Variants in PCDHGA1 observed in about 807,000 individuals in gnomAD.
PCDHGA1 encodes protocadherin gamma subfamily A, 1.
In PCDHGA1, 32 loss-of-function variants were observed where a neutral mutation model predicts 58.0. The observed-to-expected ratio is 0.55, with a 90% CI of 0.42 to 0.74. The LOEUF (loss-of-function observed/expected upper bound fraction) is 0.74, where lower values mean the gene tolerates loss of function less well. Among genes scored for constraint, PCDHGA1 ranks in the 30% least tolerant of loss-of-function variants. The pLI, the probability that PCDHGA1 is intolerant of heterozygous loss-of-function variation, is 0.00. For missense variants in PCDHGA1, 1,205 were observed against 1,182.3 expected (o/e 1.02, Z -0.28); for synonymous variants, 498 against 501.1 (o/e 0.99, Z 0.08).
rs754836894 is a variant in PCDHGA1, at chr5:141,432,969, C to A, written c.2422-61838C>A. 6.2e-7 allele frequency: 1 copy of A among 1,614,148 alleles called. No individual in the cohort carries two copies. Among genetic ancestry groups the A allele is most frequent in the East Asian group, 2.2e-5 (1 of 44,852 alleles). ...GGAGGCGGCTTGACAGGAGCGCCGG[C>A]GTCGCACTTTGTGGGCGTGGACGGG... is the stretch of plus-strand genomic sequence containing the variant. On this transcript the variant is annotated intron_variant, in intron 1 of 3. Coordinates refer to ENST00000517417, the MANE Select transcript of PCDHGA1 (RefSeq NM_018912.3). This position sits in a 1 kb window ranked among gnomAD's most constrained non-coding sequence, Gnocchi z 6.0.
intron 1 of PCDHGA1, chr5:141,423,756 GGGGGT>G: frequency 1.1e-5 from 5 of 448,566 alleles, no homozygotes; most frequent in African/African-American, 2.8e-5. Context: ...TGTTTGGGGG[GGGGGT>G]GGGGCGGCAT....
intron 1 of PCDHGA1, chr5:141,375,470 GAAAACA>G (rs1452346510): frequency 6.2e-7 from 1 of 1,613,784 alleles, no homozygotes; most frequent in Admixed American, 1.7e-5. Context: ...CTATGTCCTT[GAAAACA>G]ACCCCAGGGG....
intron 1 of PCDHGA1, among the ~76,000 whole-genome samples, chr5:141,443,016 G>T (rs1325670377): frequency 6.6e-6 from 1 of 152,204 alleles, no homozygotes; most frequent in East Asian, 1.9e-4. Context: ...TATGACTAAT[G>T]GAAGTTGCCA....
intron 1 of PCDHGA1, chr5:141,430,849 G>A: frequency 6.3e-7 from 1 of 1,582,030 alleles, no homozygotes; most frequent in Non-Finnish European, 8.6e-7. Flanking sequence ...GATGCACCCA[G>A]ATACGCTATT....
At chr5:141,393,459 G>C (rs988813968) in intron 1 of PCDHGA1, 1 of 1,613,928 alleles carries the variant, frequency 6.2e-7, no homozygotes, top group Non-Finnish European at 8.5e-7. Flanking sequence ...CACGGCCTCG[G>C]ATGGCGGCAA....
At chr5:141,370,208 G>T (rs1418210186) in intron 1 of PCDHGA1, 3 of 550,220 alleles carry the variant, frequency 5.5e-6, no homozygotes, top group African/African-American at 1.9e-5. Flanking sequence ...CAAAATATTG[G>T]CTCCTCCCGC....
chr5:141,332,704 G>C lies in PCDHGA1; in HGVS notation c.2020G>C (p.Asp674His). Residue 674 changes from aspartate (D) to histidine (H), a missense_variant, in exon 1 of 4, where the codon GAC becomes CAC. Coordinates refer to ENST00000517417, the MANE Select transcript of PCDHGA1 (RefSeq NM_018912.3). The surrounding 1 kb of genome is among the most constrained non-coding windows in gnomAD (Gnocchi z 4.6). ...CGACAGGATCTCCGACATCCTGGCCGACCTGGGCAGCCTCGAGCCCTCCGC... is the reference window on the plus strand; with the variant it reads ...CGACAGGATCTCCGACATCCTGGCCCACCTGGGCAGCCTCGAGCCCTCCGC... ...VADRISDILA[D>H]LGSLEPSAKP... The C allele has an allele frequency of 6.2e-7, 1 of 1,613,906 alleles. No individual in the cohort carries two copies. Among genetic ancestry groups the C allele is most frequent in the Non-Finnish European group, 8.5e-7 (1 of 1,179,956 alleles).
Position 141,389,109 on chromosome 5 carries a change from G to A in PCDHGA1, c.2421+56004G>A, listed in dbSNP as rs144915863. On this transcript the variant is annotated intron_variant, in intron 1 of 3. Transcript: ENST00000517417. ...TAAATTAGTGACAGATGCTGTTCTA[G>A]ACCGCGAGCAGAATCCAGAGTACAA... 616 of 1,614,020 alleles carry A rather than the reference G, an allele frequency of 3.8e-4. 2 individuals are homozygous for A. The highest frequency in any genetic ancestry group is 1.2e-3 in the Middle Eastern group (7 of 6,062).
At chr5:141,499,689 CT>C (rs545067566) in intron 2 of PCDHGA1, among the ~76,000 whole-genome samples, 4,434 of 119,828 alleles carry the variant, frequency 0.037, 46 homozygotes, top group African/African-American at 0.083. Context: ...TAACAGATGA[CT>C]TTTTTTTTTT....
intron 1 of PCDHGA1, chr5:141,357,269 C>G: frequency 1.2e-6 from 2 of 1,613,812 alleles, no homozygotes; most frequent in East Asian, 4.5e-5. Flanking sequence ...TCGGGCCTCA[C>G]ACTCTATCTC....
rs201704748 is a variant in PCDHGA1, at chr5:141,431,453, G to A, written c.2422-63354G>A. The A allele has an allele frequency of 5.7e-4, 914 of 1,613,802 alleles. 10 individuals are homozygous for A. The South Asian group carries it at 9.6e-3, about 17-fold the overall frequency. ...AGGCACCGCGCGCATCCGCGTGATG[G>A]TTCTGGATGCGAACGACAACGCACC... On this transcript the variant is annotated intron_variant, in intron 1 of 3. Coordinates refer to ENST00000517417, the MANE Select transcript of PCDHGA1 (RefSeq NM_018912.3). This position sits in a 1 kb window ranked among gnomAD's most constrained non-coding sequence, Gnocchi z 4.8.
At position 141,486,609 on chromosome 5, in the gene PCDHGA1, C is replaced by T; in HGVS notation, c.2422-8198C>T. The T allele has an allele frequency of 6.2e-7, 1 of 1,613,568 alleles. No homozygotes were observed. ...GGGGACCTGCTTTGCTCCCTTGCAG[C>T]CTCTGACCCAGACTCTGGCTTGAAT... On this transcript the variant is annotated intron_variant, in intron 1 of 3. Transcript: ENST00000517417. The surrounding 1 kb of genome is among the most constrained non-coding windows in gnomAD (Gnocchi z 5.0).
chr5:141,374,131 C>T (rs1425329910), intron 1 of PCDHGA1: 4 of 1,604,596 alleles, frequency 2.5e-6, no homozygotes, highest in Non-Finnish European at 8.5e-7. Context: ...AGGTCCTGCT[C>T]CTCACGCTCC....
chr5:141,398,854 A>C, intron 1 of PCDHGA1: 1 of 1,613,984 alleles, frequency 6.2e-7, no homozygotes, highest in Non-Finnish European at 8.5e-7. Flanking sequence ...CCCGGTATTC[A>C]ACCGAGACGT....
chr5:141,414,862 G>A (rs763491057), intron 1 of PCDHGA1: 1 of 1,614,226 alleles, frequency 6.2e-7, no homozygotes, highest in Non-Finnish European at 8.5e-7. Context: ...GAACGACAAT[G>A]CGCCCGAGAT....
intron 1 of PCDHGA1, chr5:141,340,789 C>T (rs752110384): frequency 6.2e-7 from 1 of 1,613,928 alleles, no homozygotes; most frequent in Non-Finnish European, 8.5e-7. Flanking sequence ...GGCTGTCTTA[C>T]CACCTGCTCA....
rs768648952 is a variant in PCDHGA1, at chr5:141,477,230, G to T, written c.2422-17577G>T. 14 of 1,614,046 alleles carry T rather than the reference G, an allele frequency of 8.7e-6. No homozygotes were observed. The highest frequency in any genetic ancestry group is 4.0e-5 in the African/African-American group (3 of 74,916). On this transcript the variant is annotated intron_variant, in intron 1 of 3. Transcript: ENST00000517417. The surrounding 1 kb of genome is among the most constrained non-coding windows in gnomAD (Gnocchi z 4.9). Reference sequence around the variant, plus strand: ...GGATGCCCCTCTGGGGACTGTCATCGCTTTGCTCAGTGTGACTGACCTGGA... The same window carrying T: ...GGATGCCCCTCTGGGGACTGTCATCTCTTTGCTCAGTGTGACTGACCTGGA...
chr5:141,410,980 A>G (rs2095454359), intron 1 of PCDHGA1: 1 of 175,670 alleles, frequency 5.7e-6, no homozygotes, highest in South Asian at 1.4e-4. Context: ...CAGCCTCCCA[A>G]GTAGCTGGGA....
At chr5:141,389,861 C>T in intron 1 of PCDHGA1, 1 of 1,614,062 alleles carries the variant, frequency 6.2e-7, no homozygotes, top group South Asian at 1.1e-5. Context: ...CCACGTTGCA[C>T]CTGGTCTTCG....
Sources: gnomAD v4.1 joint callset for allele counts (sites outside exome capture counted in the v4.1 genomes callset) on GRCh38, gnomAD v4.1.1 for gene constraint, Gnocchi (gnomAD v3.1) non-coding constraint, MANE v1.5 for transcripts, NCBI Gene and HGNC (gene_info 2026-07-23, HGNC 2026-07-21) for gene names.